The following ZNF737 variants were observed in gnomAD, a reference collection of about 807,000 sequenced individuals.
The protein encoded by ZNF737 is zinc finger protein 102 (Y3).
A neutral mutation model predicts 11.7 loss-of-function variants in ZNF737; 13 were observed. That is an observed-to-expected ratio of 1.11 (90% CI 0.73 to 1.77). ZNF737 has a LOEUF of 1.77. ZNF737 is among the 40% of genes most tolerant of loss of function. The pLI, the probability that ZNF737 is intolerant of heterozygous loss-of-function variation, is 0.00. For synonymous variants in ZNF737, 217 were observed against 216.2 expected (o/e 1.00, Z -0.03); for missense variants, 636 against 638.0 (o/e 1.00, Z 0.03).
intron 3 of ZNF737, among the ~76,000 whole-genome samples, chr19:20,547,106 G>A (rs983945265): frequency 1.3e-5 from 2 of 152,068 alleles, no homozygotes; most frequent in African/African-American, 4.8e-5. Context: ...ACATGGCCAG[G>A]CATGGTGGCT....
rs1177369543 is a variant in ZNF737 at position 20,538,646 on chromosome 19, C to A, written c.*5946G>T. On this transcript the variant is annotated 3_prime_UTR_variant, in exon 4 of 4. Coordinates refer to ENST00000427401, the MANE Select transcript of ZNF737 (RefSeq NM_001159293.2). The stretch of plus-strand genomic sequence containing the variant: ...CTCCAGAGAACAAACATTTCTAAAA[C>A]CATTATGGACCCTGAGTAATTCAGG... 31 of 984,862 alleles carry A rather than the reference C, an allele frequency of 3.1e-5. No homozygotes were observed. In the African/African-American group the frequency reaches 5.2e-4, roughly 17 times the overall value. 61.0% of individuals were successfully genotyped at this position (984,862 alleles called of 1,614,324 possible).
At chr19:20,531,035 G>A (rs1420323637), downstream of ZNF737, among the ~76,000 whole-genome samples, 10 of 147,068 alleles carry the variant, frequency 6.8e-5, 1 homozygote, top group South Asian at 2.2e-4. Context: ...AGACTAGCCC[G>A]GCCAACACAG....
intron 1 of ZNF737, among the ~76,000 whole-genome samples, chr19:20,557,642 A>G (rs1375287396): frequency 1.4e-5 from 2 of 145,448 alleles, no homozygotes; most frequent in African/African-American, 5.1e-5. Flanking sequence ...TTTGAGATGC[A>G]GTCTCCCTCT....
At chr19:20,557,187 G>T (rs558675168) in intron 1 of ZNF737, among the ~76,000 whole-genome samples, 118 of 152,234 alleles carry the variant, frequency 7.8e-4, no homozygotes, top group African/African-American at 2.4e-3. Flanking sequence ...GGTTTTAATA[G>T]AAGATTAAAA....
At position 20,543,543 on chromosome 19, in the gene ZNF737, A is replaced by T; in HGVS notation, c.*1049T>A. Reference sequence around the variant, plus strand: ...TTTCCATATTCCTTCTATTTGTACAATTTTTCTCAAGGATACTAGCTTTTC... The same window carrying T: ...TTTCCATATTCCTTCTATTTGTACATTTTTTCTCAAGGATACTAGCTTTTC... On this transcript the variant is annotated 3_prime_UTR_variant, in exon 4 of 4. Coordinates refer to ENST00000427401, the MANE Select transcript of ZNF737 (RefSeq NM_001159293.2). 1 of 985,316 alleles carries T rather than the reference A, an allele frequency of 1.0e-6. No homozygotes were observed. The highest frequency in any genetic ancestry group is 1.2e-6 in the Non-Finnish European group (1 of 829,882). 61.0% of individuals were successfully genotyped at this position (985,316 alleles called of 1,614,324 possible).
At chr19:20,555,659 G>A (rs1968862732) in intron 1 of ZNF737, among the ~76,000 whole-genome samples, 1 of 152,170 alleles carries the variant, frequency 6.6e-6, no homozygotes, top group Non-Finnish European at 1.5e-5. Flanking sequence ...ACATTTTTCA[G>A]ACACCTTTGA....
At position 20,542,743 on chromosome 19, in the gene ZNF737, TCTTA is replaced by T. The variant is rs138057224; in HGVS notation, c.*1845_*1848del. The T allele has an allele frequency of 1.1e-3, 1,119 of 984,586 alleles. 6 individuals carry two copies. The African/African-American group carries it at 0.014, about 12-fold the overall frequency. The allele number at this position is 984,586 out of a possible 1,614,324, so 61.0% of individuals were successfully genotyped here. A position where few individuals can be genotyped will look rare whatever the true frequency, so the allele number is the denominator to read the frequency against. ...CATTATGCGTCTTACATTTTAATGTTCTTACTATTTTATAGAAAAAGTCATAATG... is the reference window on the plus strand; with the variant it reads ...CATTATGCGTCTTACATTTTAATGTTCTATTTTATAGAAAAAGTCATAATG... On this transcript the variant is annotated 3_prime_UTR_variant, in exon 4 of 4. Coordinates refer to ENST00000427401, the MANE Select transcript of ZNF737 (RefSeq NM_001159293.2).
At chr19:20,562,776 C>T (rs565285228) in intron 1 of ZNF737, among the ~76,000 whole-genome samples, 3 of 152,146 alleles carry the variant, frequency 2.0e-5, no homozygotes, top group Non-Finnish European at 4.4e-5. Flanking sequence ...ATCCCTTAAT[C>T]GAACTCTTCT....
chr19:20,531,228 G>A (rs1555752785), downstream of ZNF737, among the ~76,000 whole-genome samples: 1 of 136,940 alleles, frequency 7.3e-6, no homozygotes, highest in Admixed American at 7.1e-5. Flanking sequence ...GAAAGGGGAG[G>A]AGAGAGGGGA....
Position 20,545,298 on chromosome 19 carries a change from G to A in ZNF737, c.905C>T (p.Ala302Val), listed in dbSNP as rs781998376. ...KAFKRSSILT[A>V]HKIIHSGEKP... is the part of the protein sequence containing the mutation. ...CTCTCCGCTATGAATTATCTTATGC[G>A]CAGTAAGGATAGAGGAGCGCTTAAA... Residue 302 changes from alanine (A) to valine (V), a missense_variant, in exon 4 of 4, where the codon GCG becomes GTG. By Grantham distance (64) the Ala-to-Val change is moderately conservative. Coordinates refer to ENST00000427401, the MANE Select transcript of ZNF737 (RefSeq NM_001159293.2). 75 of 1,612,938 alleles carry A rather than the reference G, an allele frequency of 4.6e-5. 3 individuals are homozygous for A. The highest frequency in any genetic ancestry group is 2.2e-4 in the Admixed American group (13 of 59,868).
At chr19:20,549,216 T>C (rs1555757775) in intron 3 of ZNF737, among the ~76,000 whole-genome samples, 1 of 152,206 alleles carries the variant, frequency 6.6e-6, no homozygotes, top group East Asian at 1.9e-4. Flanking sequence ...ATGATAGATA[T>C]GCATAATTTA....
At chr19:20,548,266 C>T (rs2545949) in intron 3 of ZNF737, among the ~76,000 whole-genome samples, 92,708 of 151,996 alleles carry the variant, frequency 0.61, 28,664 homozygotes, top group East Asian at 0.75. Flanking sequence ...AACCCAGATG[C>T]CTCTTGATTT....
chr19:20,532,455 G>A (rs1223030254), downstream of ZNF737, among the ~76,000 whole-genome samples: 4 of 149,170 alleles, frequency 2.7e-5, no homozygotes, highest in Non-Finnish European at 4.5e-5. Flanking sequence ...TATGTTTATC[G>A]AGCCACCTAT....
In ZNF737 at chr19:20,538,867, A is replaced by G. The variant is rs1230935393; in HGVS notation, c.*5725T>C. The G allele has an allele frequency of 1.5e-5, 15 of 985,162 alleles. No homozygotes were observed. The allele number at this position is 985,162 out of a possible 1,614,324, so 61.0% of individuals were successfully genotyped here. Reference sequence around the variant, plus strand: ...CATCTGTTACCCATTAATTTTATACATTTGCTTTTTTGAAAAACAAATCTT... The same window carrying G: ...CATCTGTTACCCATTAATTTTATACGTTTGCTTTTTTGAAAAACAAATCTT... On this transcript the variant is annotated 3_prime_UTR_variant, in exon 4 of 4. Transcript: ENST00000427401.
In ZNF737 at chr19:20,540,876, C is replaced by T; in HGVS notation, c.*3716G>A. Reference sequence around the variant, plus strand: ...TCATTACAAATAACTATTTTTCTGGCTTAAATTATTTTTTATGCACCATTT... The same window carrying T: ...TCATTACAAATAACTATTTTTCTGGTTTAAATTATTTTTTATGCACCATTT... On this transcript the variant is annotated 3_prime_UTR_variant, in exon 4 of 4. Transcript: ENST00000427401. The T allele has an allele frequency of 3.1e-6, 3 of 957,234 alleles. No individual in the cohort carries two copies. Among genetic ancestry groups the T allele is most frequent in the African/African-American group, 1.8e-5 (1 of 56,708 alleles). The allele number at this position is 957,234 out of a possible 1,614,324, so 59.3% of individuals were successfully genotyped here.
At chr19:20,552,413 C>T in intron 3 of ZNF737, 62 bp downstream of exon 3, 1 of 1,239,654 alleles carries the variant, frequency 8.1e-7, no homozygotes, top group South Asian at 1.5e-5. Context: ...GACTGGCTTT[C>T]TCTTTGACTT....
downstream of ZNF737, among the ~76,000 whole-genome samples, chr19:20,531,228 G>T (rs1555752785): frequency 7.3e-6 from 1 of 136,940 alleles, no homozygotes; most frequent in Admixed American, 7.1e-5. Flanking sequence ...GAAAGGGGAG[G>T]AGAGAGGGGA....
intron 2 of ZNF737, among the ~76,000 whole-genome samples, chr19:20,553,201 C>A (rs1377372564): frequency 6.6e-6 from 1 of 152,054 alleles, no homozygotes; most frequent in Non-Finnish European, 1.5e-5. Flanking sequence ...TTACAGCTCA[C>A]CTCACAAATA....
chr19:20,538,657 C>G lies in ZNF737; in HGVS notation c.*5935G>C. 1.0e-6 allele frequency: 1 copy of G among 985,084 alleles called. No homozygotes were observed. The highest frequency in any genetic ancestry group is 4.7e-5 in the South Asian group (1 of 21,260). The allele number at this position is 985,084 out of a possible 1,614,324, so 61.0% of individuals were successfully genotyped here. A position where few individuals can be genotyped will look rare whatever the true frequency, so the allele number is the denominator to read the frequency against. On this transcript the variant is annotated 3_prime_UTR_variant, in exon 4 of 4. Transcript: ENST00000427401. ...AAACATTTCTAAAACCATTATGGAC[C>G]CTGAGTAATTCAGGGGGAATTGGTA...
Sources: gnomAD v4.1 joint callset for allele counts (sites outside exome capture counted in the v4.1 genomes callset) on GRCh38, gnomAD v4.1.1 for gene constraint, MANE v1.5 for transcripts, NCBI Gene and HGNC (gene_info 2026-07-23, HGNC 2026-07-21) for gene names.